Variants in DPP10 observed in about 807,000 individuals in gnomAD.
DPP10 encodes dipeptidyl peptidase like 10, also known as inactive dipeptidyl peptidase 10.
DPP10 carries 33 observed loss-of-function variants against 120.9 expected under a neutral mutation model. The observed-to-expected ratio is 0.27, with a 90% CI of 0.21 to 0.37. The LOEUF (loss-of-function observed/expected upper bound fraction) is 0.37, where lower values mean the gene tolerates loss of function less well. Among genes scored for constraint, DPP10 ranks in the 10% least tolerant of loss-of-function variants. DPP10 has a pLI of 1.00. For missense variants in DPP10, 816 were observed against 942.8 expected (o/e 0.87, Z 1.76); for synonymous variants, 337 against 326.1 (o/e 1.03, Z -0.36).
chr2:115,234,886 G>A (rs1210991330), intron 1 of DPP10, among the ~76,000 whole-genome samples: 1 of 152,100 alleles, frequency 6.6e-6, no homozygotes, highest in Non-Finnish European at 1.5e-5. Flanking sequence ...GATCATTGGA[G>A]AGAAGGTGAC....
chr2:114,926,007 G>T lies in DPP10; in HGVS notation c.61-383232G>T, dbSNP rs541358222. 2.6e-5 allele frequency among the ~76,000 whole-genome samples: 4 copies of T among 152,262 alleles called. No individual in the cohort carries two copies. The South Asian group carries it at 8.3e-4, about 32-fold the overall frequency. On this transcript the variant is annotated intron_variant, in intron 1 of 25. Coordinates refer to ENST00000410059, the MANE Select transcript of DPP10 (RefSeq NM_020868.6). ...TGATCCCCAATGCACATGGCTTGAT[G>T]GGAAGTCTGGCATTGAAATAGACAA...
chr2:115,047,749 T>A (rs1705172735), intron 1 of DPP10, among the ~76,000 whole-genome samples: 1 of 152,090 alleles, frequency 6.6e-6, no homozygotes, highest in South Asian at 2.1e-4. Flanking sequence ...AACCCCAAAG[T>A]GATACATAAC....
chr2:115,812,963 C>CTTTT (rs66478532), intron 19 of DPP10, among the ~76,000 whole-genome samples: 2 of 72,832 alleles, frequency 2.7e-5, no homozygotes, highest in East Asian at 4.4e-4. Flanking sequence ...GACTGGATAT[C>CTTTT]TTTTTTTTTT....
At chr2:115,398,918 G>T (rs2067869386) in intron 3 of DPP10, among the ~76,000 whole-genome samples, 1 of 152,086 alleles carries the variant, frequency 6.6e-6, no homozygotes, top group African/African-American at 2.4e-5. Context: ...AAAGGAACAA[G>T]CCTGCCTCAA....
intron 5 of DPP10, among the ~76,000 whole-genome samples, chr2:115,605,496 G>T (rs1425304259): frequency 6.6e-6 from 1 of 152,002 alleles, no homozygotes; most frequent in Non-Finnish European, 1.5e-5. Flanking sequence ...AAGAAGAAGT[G>T]CATTTTTCTC....
intron 5 of DPP10, among the ~76,000 whole-genome samples, chr2:115,534,258 C>T (rs182046257): frequency 5.7e-4 from 87 of 152,174 alleles, no homozygotes; most frequent in African/African-American, 1.9e-3. Context: ...TATCCCTCCC[C>T]ACTCCCGGCA....
At chr2:115,500,509 GA>G (rs1424278996) in intron 4 of DPP10, among the ~76,000 whole-genome samples, 1 of 151,708 alleles carries the variant, frequency 6.6e-6, no homozygotes, top group Non-Finnish European at 1.5e-5. Flanking sequence ...TGGCCCTATG[GA>G]AAAAATGGAC....
chr2:114,815,323 CAGCATTGAGCCAAGCA>C (rs1478238966), intron 1 of DPP10, among the ~76,000 whole-genome samples: 2 of 152,132 alleles, frequency 1.3e-5, no homozygotes, highest in Admixed American at 1.3e-4. Flanking sequence ...GAAGAATGCC[CAGCATTGAGCCAAGCA>C]CTCATGTACT....
At chr2:115,573,705 G>A (rs2081487203) in intron 5 of DPP10, among the ~76,000 whole-genome samples, 1 of 149,308 alleles carries the variant, frequency 6.7e-6, no homozygotes, top group Non-Finnish European at 1.5e-5. Context: ...AGAGGTGTGT[G>A]CCACCATGCC....
intron 1 of DPP10, among the ~76,000 whole-genome samples, chr2:114,537,227 G>C (rs1686577263): frequency 6.6e-6 from 1 of 152,172 alleles, no homozygotes; most frequent in Admixed American, 6.5e-5. Context: ...GATAGAAACA[G>C]TCGGCTAGAC....
intron 1 of DPP10, among the ~76,000 whole-genome samples, chr2:114,655,623 C>T (rs1696912042): frequency 6.6e-6 from 1 of 151,976 alleles, no homozygotes; most frequent in African/African-American, 2.4e-5. Context: ...ATTTTTCAAC[C>T]CCAGGTCCAT....
intron 1 of DPP10, among the ~76,000 whole-genome samples, chr2:114,751,441 G>C (rs917711400): frequency 6.6e-6 from 1 of 152,202 alleles, no homozygotes; most frequent in African/African-American, 2.4e-5. Context: ...ACCTGTTTGG[G>C]CTGAGAAATG....
At chr2:115,141,235 C>T (rs911579818) in intron 1 of DPP10, among the ~76,000 whole-genome samples, 6 of 152,168 alleles carry the variant, frequency 3.9e-5, no homozygotes, top group African/African-American at 1.2e-4. Context: ...TCTTATAAAT[C>T]AGAGAGAACA....
At chr2:115,166,715 A>T (rs1307265055) in intron 1 of DPP10, among the ~76,000 whole-genome samples, 2 of 151,652 alleles carry the variant, frequency 1.3e-5, no homozygotes, top group Admixed American at 6.6e-5. Context: ...ATTAAATTAT[A>T]TAAAACAACT....
chr2:114,587,229 A>G (rs1454191351), intron 1 of DPP10, among the ~76,000 whole-genome samples: 3 of 146,626 alleles, frequency 2.0e-5, no homozygotes, highest in African/African-American at 7.6e-5. Flanking sequence ...TGAACCCAGG[A>G]GGCGGAGGTT....
At chr2:115,525,341 T>G (rs1456654028) in intron 4 of DPP10, among the ~76,000 whole-genome samples, 1 of 152,168 alleles carries the variant, frequency 6.6e-6, no homozygotes, top group Non-Finnish European at 1.5e-5. Context: ...AGGCTCAAAA[T>G]TAGTCAAGTA....
At chr2:114,777,881 T>C (rs1681903983) in intron 1 of DPP10, among the ~76,000 whole-genome samples, 1 of 152,086 alleles carries the variant, frequency 6.6e-6, no homozygotes, top group Admixed American at 6.5e-5. Context: ...TAAGTTAGAC[T>C]CATATCCGCA....
intron 1 of DPP10, among the ~76,000 whole-genome samples, chr2:114,847,671 G>T (rs999981382): frequency 6.6e-6 from 1 of 152,140 alleles, no homozygotes; most frequent in East Asian, 1.9e-4. Flanking sequence ...ATAAGGAACT[G>T]TCTCCTTTAC....
At chr2:115,564,819 T>C (rs2080898765) in intron 5 of DPP10, among the ~76,000 whole-genome samples, 1 of 152,202 alleles carries the variant, frequency 6.6e-6, no homozygotes, top group Non-Finnish European at 1.5e-5. Context: ...AACATTTCTG[T>C]ATTCATTTGT....
Sources: allele counts gnomAD v4.1 joint callset (sites outside exome capture counted in the v4.1 genomes callset), GRCh38; gene constraint gnomAD v4.1.1; transcripts MANE v1.5; gene names NCBI Gene and HGNC (gene_info 2026-07-23, HGNC 2026-07-21).